NPAS3: variants seen among roughly 807,000 people sequenced by gnomAD.
NPAS3 encodes the protein neuronal PAS domain protein 3, also known as neuronal PAS domain-containing protein 3.
NPAS3 carries 14 observed loss-of-function variants against 73.1 expected under a neutral mutation model. The ratio of observed to expected loss-of-function variants is 0.19; its 90% CI spans 0.13 to 0.30. NPAS3 has a LOEUF of 0.30. Among genes scored for constraint, NPAS3 ranks in the 10% least tolerant of loss-of-function variants. The probability of loss-of-function intolerance (pLI) is 1.00; values close to 1 mark genes in which losing one functional copy is unlikely to be tolerated. For synonymous variants in NPAS3, 620 were observed against 541.5 expected, an observed-to-expected ratio of 1.14 and a Z score of -2.01; for missense variants, 1,096 against 1,250.0, an observed-to-expected ratio of 0.88 and a Z score of 1.86.
chr14:33,335,744 C>G (rs1026281993), intron 3 of NPAS3, among the ~76,000 whole-genome samples: 1 of 151,978 alleles, frequency 6.6e-6, no homozygotes, highest in Non-Finnish European at 1.5e-5. Flanking sequence ...TATAATATGC[C>G]CCTTATAGCA....
chr14:33,376,860 G>A (rs575233904), intron 4 of NPAS3, among the ~76,000 whole-genome samples: 1 of 152,286 alleles, frequency 6.6e-6, no homozygotes, highest in South Asian at 2.1e-4. Context: ...GAACAAAATA[G>A]TTTAGTTGAA....
intron 6 of NPAS3, among the ~76,000 whole-genome samples, chr14:33,709,341 C>T (rs1020464554): frequency 1.3e-5 from 2 of 152,124 alleles, no homozygotes; most frequent in Non-Finnish European, 2.9e-5. Flanking sequence ...CGTCCCACCC[C>T]GAAGGCTGAT....
intron 5 of NPAS3, among the ~76,000 whole-genome samples, chr14:33,568,301 A>C (rs2056060754): frequency 6.6e-6 from 1 of 152,174 alleles, no homozygotes; most frequent in South Asian, 2.1e-4. Context: ...GAATTAACCC[A>C]TGTATTATTC....
chr14:33,033,671 T>C (rs925863047), intron 1 of NPAS3, among the ~76,000 whole-genome samples: 49 of 152,164 alleles, frequency 3.2e-4, no homozygotes, highest in Admixed American at 7.2e-4. Context: ...CTCTAAGAGC[T>C]GTCATACATC....
At chr14:33,770,080 A>C (rs2062604099) in intron 7 of NPAS3, among the ~76,000 whole-genome samples, 1 of 152,036 alleles carries the variant, frequency 6.6e-6, no homozygotes, top group Admixed American at 6.6e-5. Context: ...AACTTTAAAA[A>C]TGTCTATGAA....
chr14:33,367,315 A>G, intron 4 of NPAS3, 47 bp downstream of exon 4: 1 of 797,762 alleles, frequency 1.3e-6, no homozygotes, highest in Non-Finnish European at 2.1e-6. Flanking sequence ...ACTAAGAAAA[A>G]ACCATATGTT....
intron 5 of NPAS3, among the ~76,000 whole-genome samples, chr14:33,607,306 A>G (rs1021958228): frequency 1.3e-5 from 2 of 152,150 alleles, no homozygotes; most frequent in Non-Finnish European, 2.9e-5. Flanking sequence ...TGTACACAAA[A>G]TAGGATACTA....
At chr14:33,254,009 C>T (rs190751700) in intron 3 of NPAS3, among the ~76,000 whole-genome samples, 23 of 152,228 alleles carry the variant, frequency 1.5e-4, no homozygotes, top group African/African-American at 5.5e-4. Context: ...AAGTTAACCT[C>T]ACATTCTACT....
intron 10 of NPAS3, among the ~76,000 whole-genome samples, chr14:33,795,923 C>G (rs951557062): frequency 1.3e-5 from 2 of 152,112 alleles, no homozygotes. Flanking sequence ...CATAGAAGAC[C>G]TGTTTTAGCT....
At chr14:33,013,235 C>G (rs971703006) in intron 1 of NPAS3, among the ~76,000 whole-genome samples, 8 of 152,160 alleles carry the variant, frequency 5.3e-5, no homozygotes, top group African/African-American at 1.9e-4. Context: ...ATACATGGAT[C>G]TCTTTATCCC....
At position 33,800,948 on chromosome 14, in the gene NPAS3, A is replaced by C. The variant is rs752879420; in HGVS notation, c.2641A>C (p.Met881Leu). The C allele has an allele frequency of 1.9e-6, 3 of 1,606,068 alleles. No individual in the cohort carries two copies. The highest frequency in any genetic ancestry group is 2.5e-6 in the Non-Finnish European group (3 of 1,176,846). ...CTACCACCACGTGCACCGGCTCAAC[A>C]TGTCAGGACCGTTCGGCGGCGCAGT... The change falls in exon 12 of 12, where the codon ATG becomes CTG. Residue 881 changes from methionine (M) to leucine (L), a missense_variant. Met to Leu is a conservative substitution (Grantham distance 15, BLOSUM62 2). This residue lies in a region of NPAS3 where 698 missense variants were observed against 676.7 expected (regional missense o/e 1.03). Coordinates refer to ENST00000356141, the Ensembl canonical transcript of NPAS3. The surrounding 1 kb of genome is among the most constrained non-coding windows in gnomAD (Gnocchi z 6.5).
At chr14:33,301,249 G>A (rs2042518927) in intron 3 of NPAS3, among the ~76,000 whole-genome samples, 1 of 146,678 alleles carries the variant, frequency 6.8e-6, no homozygotes, top group African/African-American at 2.5e-5. Context: ...CTTCCTGAAG[G>A]TCCTCACAGT....
intron 4 of NPAS3, among the ~76,000 whole-genome samples, chr14:33,496,115 C>T (rs1372320914): frequency 6.6e-6 from 1 of 152,046 alleles, no homozygotes; most frequent in Non-Finnish European, 1.5e-5. Context: ...GTATAGATTC[C>T]TGGACACATA....
intron 1 of NPAS3, among the ~76,000 whole-genome samples, chr14:33,026,258 T>C (rs113373537): frequency 3.3e-5 from 5 of 152,368 alleles, no homozygotes; most frequent in African/African-American, 1.2e-4. Flanking sequence ...GATGCCACTT[T>C]CTGGGACATC....
chr14:33,593,728 A>C (rs2057146646), intron 5 of NPAS3, among the ~76,000 whole-genome samples: 1 of 152,264 alleles, frequency 6.6e-6, no homozygotes, highest in South Asian at 2.1e-4. Flanking sequence ...AAATTAATTT[A>C]CATGAAAAGA....
intron 4 of NPAS3, among the ~76,000 whole-genome samples, chr14:33,396,542 TATC>T (rs1482114390): frequency 1.3e-5 from 2 of 152,274 alleles, no homozygotes; most frequent in South Asian, 2.1e-4. Flanking sequence ...CAGGAAAAAA[TATC>T]ATCTAGCTGC....
intron 3 of NPAS3, among the ~76,000 whole-genome samples, chr14:33,237,015 TG>T (rs2048056969): frequency 6.6e-6 from 1 of 152,098 alleles, no homozygotes. Flanking sequence ...ATGAGATTTT[TG>T]TTTATGTTTT....
At chr14:33,095,848 T>A (rs1053971150) in intron 2 of NPAS3, among the ~76,000 whole-genome samples, 3 of 151,406 alleles carry the variant, frequency 2.0e-5, no homozygotes, top group African/African-American at 7.3e-5. Flanking sequence ...TTTTGTATTT[T>A]TTTTTAGTAG....
At chr14:32,994,927 C>A (rs368992938) in intron 1 of NPAS3, among the ~76,000 whole-genome samples, 66 of 152,216 alleles carry the variant, frequency 4.3e-4, no homozygotes, top group African/African-American at 1.5e-3. Flanking sequence ...CCACTGCACC[C>A]AGCCCATTCT....
Sources: gnomAD v4.1 joint callset for allele counts (sites outside exome capture counted in the v4.1 genomes callset) on GRCh38, gnomAD v4.1.1 for gene constraint, gnomAD v4.1.1 regional missense constraint, Gnocchi (gnomAD v3.1) non-coding constraint, MANE v1.5 for transcripts, NCBI Gene and HGNC (gene_info 2026-07-23, HGNC 2026-07-21) for gene names.